TMTC2: variants seen among roughly 807,000 people sequenced by gnomAD.
TMTC2 encodes transmembrane O-mannosyltransferase targeting cadherins 2, also known as protein O-mannosyl-transferase TMTC2.
In TMTC2, 43 loss-of-function variants were observed where a neutral mutation model predicts 82.4. The ratio of observed to expected loss-of-function variants is 0.52; its 90% CI spans 0.41 to 0.67. The LOEUF (loss-of-function observed/expected upper bound fraction) is 0.67. Ranked by LOEUF, TMTC2 falls within the 30% of genes least tolerant of loss-of-function variation. The pLI is 0.00. For missense variants in TMTC2, 919 were observed against 1,012.4 expected, an observed-to-expected ratio of 0.91 and a Z score of 1.25; for synonymous variants, 408 against 381.9, an observed-to-expected ratio of 1.07 and a Z score of -0.80.
chr12:82,854,164 TCTA>T (rs2137111169), intron 1 of TMTC2, among the ~76,000 whole-genome samples: 1 of 152,288 alleles, frequency 6.6e-6, no homozygotes, highest in South Asian at 2.1e-4. Flanking sequence ...GGAAAATCAA[TCTA>T]CTGTTCTGTA....
intron 1 of TMTC2, among the ~76,000 whole-genome samples, chr12:82,828,042 G>A (rs550079577): frequency 2.7e-5 from 4 of 150,684 alleles, no homozygotes; most frequent in South Asian, 4.2e-4. Flanking sequence ...ACAGGCATGC[G>A]CCACCATGCC....
intron 11 of TMTC2, among the ~76,000 whole-genome samples, chr12:83,100,376 G>A (rs1427457276): frequency 6.6e-6 from 1 of 150,604 alleles, no homozygotes; most frequent in Non-Finnish European, 1.5e-5. Context: ...TTGTTTGTTT[G>A]TGTTTTTTTT....
chr12:82,768,556 A>G (rs1404918159), intron 1 of TMTC2, among the ~76,000 whole-genome samples: 1 of 151,958 alleles, frequency 6.6e-6, no homozygotes, highest in Non-Finnish European at 1.5e-5. Flanking sequence ...AACACCTTTT[A>G]TTTACATCCC....
chr12:82,725,284 A>G (rs1406490408), intron 1 of TMTC2, among the ~76,000 whole-genome samples: 1 of 152,114 alleles, frequency 6.6e-6, no homozygotes, highest in Non-Finnish European at 1.5e-5. Flanking sequence ...TTTTCTTTTG[A>G]CCCAGTCACT....
At chr12:83,084,059 G>A (rs1264822369) in intron 11 of TMTC2, among the ~76,000 whole-genome samples, 1 of 152,162 alleles carries the variant, frequency 6.6e-6, no homozygotes, top group Non-Finnish European at 1.5e-5. Context: ...TGAGTATGAG[G>A]AGATGGTGGT....
Position 82,965,619 on chromosome 12 carries a change from C to T in TMTC2, c.1744C>T (p.Arg582Trp), listed in dbSNP as rs200313110. 14 of 1,613,650 alleles carry T rather than the reference C, an allele frequency of 8.7e-6. No individual in the cohort carries two copies. Among genetic ancestry groups the T allele is most frequent in the African/African-American group, 2.7e-5 (2 of 74,896 alleles). Reference protein sequence around the residue: ...MNQGRTEEARRTFLKCSEIPD... With the variant: ...MNQGRTEEARWTFLKCSEIPD... Reference sequence around the variant, plus strand: ...CCAAGGAAGGACGGAAGAAGCCCGACGGACATTCTTAAAGTGTTCGGAGAT... The same window carrying T: ...CCAAGGAAGGACGGAAGAAGCCCGATGGACATTCTTAAAGTGTTCGGAGAT... The change falls in exon 6 of 12, where the codon CGG becomes TGG. Residue 582 changes from arginine (R) to tryptophan (W), a missense_variant. Coordinates refer to ENST00000321196, the MANE Select transcript of TMTC2 (RefSeq NM_152588.3).
At chr12:83,115,182 T>A (rs1425257091) in intron 11 of TMTC2, among the ~76,000 whole-genome samples, 1 of 152,162 alleles carries the variant, frequency 6.6e-6, no homozygotes, top group Non-Finnish European at 1.5e-5. Context: ...AATCCTTCTG[T>A]GTAATATGAT....
At chr12:82,787,772 G>A (rs933214184) in intron 1 of TMTC2, among the ~76,000 whole-genome samples, 7 of 151,982 alleles carry the variant, frequency 4.6e-5, no homozygotes, top group Non-Finnish European at 8.8e-5. Context: ...TTAGCCAGGC[G>A]TGGTGGTGTG....
intron 11 of TMTC2, among the ~76,000 whole-genome samples, chr12:83,079,474 T>G (rs1021425785): frequency 1.2e-4 from 19 of 152,168 alleles, no homozygotes; most frequent in African/African-American, 4.6e-4. Flanking sequence ...CTCAACAGAG[T>G]TCAAGTATCA....
intron 1 of TMTC2, among the ~76,000 whole-genome samples, chr12:82,708,913 T>A (rs1348004988): frequency 6.6e-6 from 1 of 152,194 alleles, no homozygotes; most frequent in African/African-American, 2.4e-5. Context: ...ATTTTTCTCA[T>A]GTGGTCAGCC....
At chr12:82,856,266 T>C (rs962414390) in intron 1 of TMTC2, among the ~76,000 whole-genome samples, 1 of 152,176 alleles carries the variant, frequency 6.6e-6, no homozygotes, top group Non-Finnish European at 1.5e-5. Flanking sequence ...TGAAGCACCA[T>C]GAAGATTTCT....
chr12:83,091,698 T>A (rs1378858941), intron 11 of TMTC2, among the ~76,000 whole-genome samples: 1 of 152,228 alleles, frequency 6.6e-6, no homozygotes, highest in Non-Finnish European at 1.5e-5. Flanking sequence ...GATTTTCATA[T>A]CTTTTGCACA....
At chr12:82,843,817 A>G (rs1184247331) in intron 1 of TMTC2, among the ~76,000 whole-genome samples, 1 of 152,064 alleles carries the variant, frequency 6.6e-6, no homozygotes, top group Non-Finnish European at 1.5e-5. Context: ...GTCTGGTGGC[A>G]GGCGCCTGCA....
intron 2 of TMTC2, among the ~76,000 whole-genome samples, chr12:82,877,821 T>C (rs1872652521): frequency 6.6e-6 from 1 of 152,124 alleles, no homozygotes; most frequent in Non-Finnish European, 1.5e-5. Context: ...CCCCAATTAA[T>C]ACAGTACCCA....
At chr12:82,897,262 T>G (rs1873733711) in intron 3 of TMTC2, among the ~76,000 whole-genome samples, 1 of 152,220 alleles carries the variant, frequency 6.6e-6, no homozygotes, top group African/African-American at 2.4e-5. Context: ...AAAAACACAC[T>G]TCTCACTACA....
intron 2 of TMTC2, among the ~76,000 whole-genome samples, chr12:82,883,733 G>A (rs1872952250): frequency 6.6e-6 from 1 of 152,198 alleles, no homozygotes; most frequent in Admixed American, 6.5e-5. Flanking sequence ...ATAAAAGAAA[G>A]TTCCTTTTCT....
intron 11 of TMTC2, among the ~76,000 whole-genome samples, chr12:83,107,727 A>G (rs1884458642): frequency 6.6e-6 from 1 of 152,014 alleles, no homozygotes; most frequent in Non-Finnish European, 1.5e-5. Context: ...ATTGTTGATA[A>G]CTTCTATCTA....
intron 9 of TMTC2, among the ~76,000 whole-genome samples, chr12:83,043,524 A>G (rs912418772): frequency 6.6e-6 from 1 of 152,214 alleles, no homozygotes; most frequent in African/African-American, 2.4e-5. Context: ...GATGCTGGCA[A>G]TGTTCTGTTT....
intron 8 of TMTC2, among the ~76,000 whole-genome samples, chr12:83,018,047 A>ATG (rs1177961891): frequency 6.8e-6 from 1 of 146,820 alleles, no homozygotes; most frequent in Non-Finnish European, 1.5e-5. Context: ...GTGTGTGTGT[A>ATG]TGTATATATA....
Sources: allele counts gnomAD v4.1 joint callset (sites outside exome capture counted in the v4.1 genomes callset), GRCh38; gene constraint gnomAD v4.1.1; transcripts MANE v1.5; gene names NCBI Gene and HGNC (gene_info 2026-07-23, HGNC 2026-07-21).